Variants in GRID1 observed in about 807,000 individuals in gnomAD.
The protein encoded by GRID1 is glutamate ionotropic receptor delta type subunit 1, also known as glutamate receptor ionotropic, delta-1.
A neutral mutation model predicts 98.0 loss-of-function variants in GRID1; 28 were observed. The ratio of observed to expected loss-of-function variants is 0.29; its 90% CI spans 0.21 to 0.39. GRID1 has a LOEUF of 0.39. Ranked by LOEUF, GRID1 falls within the 10% of genes least tolerant of loss-of-function variation. The pLI is 1.00. For missense variants in GRID1, 1,111 were observed against 1,340.5 expected (o/e 0.83, Z 2.67); for synonymous variants, 553 against 538.5 (o/e 1.03, Z -0.37).
intron 4 of GRID1, among the ~76,000 whole-genome samples, chr10:85,965,185 G>T (rs1311212318): frequency 1.3e-5 from 2 of 152,232 alleles, no homozygotes; most frequent in Admixed American, 6.5e-5. Flanking sequence ...TACACTGTTG[G>T]TGGGAGTGTA....
At chr10:86,313,313 A>G (rs534656856) in intron 2 of GRID1, among the ~76,000 whole-genome samples, 3 of 152,376 alleles carry the variant, frequency 2.0e-5, no homozygotes, top group South Asian at 4.1e-4. Context: ...TTCTCAGGTC[A>G]TCTTCACAAC....
intron 6 of GRID1, among the ~76,000 whole-genome samples, chr10:85,867,117 T>G (rs1843228517): frequency 6.6e-6 from 1 of 152,142 alleles, no homozygotes; most frequent in Non-Finnish European, 1.5e-5. Flanking sequence ...GAAAAGACTT[T>G]TTGCATCCAA....
At chr10:86,231,831 A>T (rs1846457858) in intron 2 of GRID1, among the ~76,000 whole-genome samples, 1 of 152,154 alleles carries the variant, frequency 6.6e-6, no homozygotes, top group Non-Finnish European at 1.5e-5. Context: ...CTTCACAGTA[A>T]CATGCATTTA....
Position 85,634,111 on chromosome 10 carries a change from C to T in GRID1, c.2193+13091G>A, listed in dbSNP as rs376775768. Among the ~76,000 whole-genome samples the T allele has an allele frequency of 7.7e-4, 115 of 149,988 alleles. 4 individuals carry two copies. The South Asian group carries it at 0.023, about 30-fold the overall frequency. On this transcript the variant is annotated intron_variant, in intron 13 of 15. Transcript: ENST00000327946. ...GCTTGAACCCAGGAGGCGGAGGTGG[C>T]GGTGAGCCAAGATTGCACATTGCAT...
At chr10:85,991,065 T>C (rs1421643386) in intron 4 of GRID1, among the ~76,000 whole-genome samples, 1 of 152,178 alleles carries the variant, frequency 6.6e-6, no homozygotes, top group African/African-American at 2.4e-5. Context: ...TCCCTGCTCC[T>C]TGGAGCCTCC....
intron 12 of GRID1, among the ~76,000 whole-genome samples, chr10:85,683,453 G>A (rs189179933): frequency 1.3e-5 from 2 of 152,170 alleles, no homozygotes; most frequent in Non-Finnish European, 2.9e-5. Flanking sequence ...CTTAGATTTG[G>A]CATGGGACAT....
intron 12 of GRID1, among the ~76,000 whole-genome samples, chr10:85,715,294 A>G (rs533518523): frequency 1.9e-3 from 295 of 152,294 alleles, no homozygotes; most frequent in Middle Eastern, 0.01. Context: ...CAGAAGAAAA[A>G]AAGCTTTTTG....
At chr10:86,349,151 C>T (rs1848429897) in intron 2 of GRID1, among the ~76,000 whole-genome samples, 1 of 152,346 alleles carries the variant, frequency 6.6e-6, no homozygotes, top group Non-Finnish European at 1.5e-5. Flanking sequence ...AGACCTGCAA[C>T]AGCTCCTCCC....
chr10:86,125,735 C>G (rs1295815413), intron 4 of GRID1, among the ~76,000 whole-genome samples: 2 of 152,154 alleles, frequency 1.3e-5, no homozygotes, highest in Non-Finnish European at 2.9e-5. Flanking sequence ...ACCAACCCTT[C>G]CGCCTCTTCC....
intron 8 of GRID1, among the ~76,000 whole-genome samples, chr10:85,774,668 C>T (rs1008541763): frequency 4.6e-5 from 7 of 151,978 alleles, no homozygotes; most frequent in African/African-American, 1.7e-4. Context: ...GGGCAAAGGA[C>T]ATGAACAGAC....
At position 85,602,490 on chromosome 10, in the gene GRID1, C is replaced by T. The variant is rs1285044048; in HGVS notation, c.2813G>A (p.Gly938Asp). Reference sequence around the variant, plus strand: ...CCCTGATGAGAGTGTCCGGCTGGTGCCATGGCTGCTCTGCTCTGGCAGAAA... The same window carrying T: ...CCCTGATGAGAGTGTCCGGCTGGTGTCATGGCTGCTCTGCTCTGGCAGAAA... ...STFLPEQSSH[G>D]TSRTLSSGPS... Residue 938 changes from glycine (G) to aspartate (D), a missense_variant, in exon 16 of 16, where the codon GGC (glycine) becomes GAC (aspartate). By Grantham distance (94) the Gly-to-Asp change is moderately conservative. Transcript: ENST00000327946. 1.4e-5 allele frequency: 22 copies of T among 1,613,998 alleles called. No individual in the cohort carries two copies. The highest frequency in any genetic ancestry group is 2.7e-5 in the African/African-American group (2 of 74,920).
chr10:85,697,130 T>C (rs1841403025), intron 12 of GRID1, among the ~76,000 whole-genome samples: 2 of 152,166 alleles, frequency 1.3e-5, no homozygotes, highest in African/African-American at 2.4e-5. Context: ...TAAATGTCAA[T>C]TATGTCAAGT....
At chr10:86,356,907 G>A (rs1395164818) in intron 2 of GRID1, among the ~76,000 whole-genome samples, 2 of 152,196 alleles carry the variant, frequency 1.3e-5, no homozygotes, top group East Asian at 1.9e-4. Context: ...CAGTGAAGAG[G>A]GAAGACAGCT....
At chr10:86,322,054 G>A (rs1051977211) in intron 2 of GRID1, among the ~76,000 whole-genome samples, 1 of 151,944 alleles carries the variant, frequency 6.6e-6, no homozygotes, top group African/African-American at 2.4e-5. Context: ...ACAGAGAGAG[G>A]GGAGAGGCTA....
intron 8 of GRID1, among the ~76,000 whole-genome samples, chr10:85,786,505 C>A (rs1842430627): frequency 6.6e-6 from 1 of 152,282 alleles, no homozygotes. Flanking sequence ...CAGCAGGGTG[C>A]CTCAGGAGGG....
intron 4 of GRID1, among the ~76,000 whole-genome samples, chr10:86,043,602 C>T (rs1843378234): frequency 6.6e-6 from 1 of 152,184 alleles, no homozygotes; most frequent in Non-Finnish European, 1.5e-5. Context: ...CCTACCTTGG[C>T]TCTGCATCCA....
At chr10:85,771,225 A>C (rs894727140) in intron 8 of GRID1, among the ~76,000 whole-genome samples, 14 of 152,168 alleles carry the variant, frequency 9.2e-5, no homozygotes, top group Admixed American at 3.9e-4. Flanking sequence ...CCAAACTAAG[A>C]TTCATAAGTG....
chr10:85,863,417 G>T (rs1404837036), intron 6 of GRID1, among the ~76,000 whole-genome samples: 1 of 152,156 alleles, frequency 6.6e-6, no homozygotes, highest in African/African-American at 2.4e-5. Flanking sequence ...TTTCGACATG[G>T]AAATTTTGGA....
intron 12 of GRID1, among the ~76,000 whole-genome samples, chr10:85,708,089 T>C (rs1230947510): frequency 6.7e-6 from 1 of 148,530 alleles, no homozygotes; most frequent in Admixed American, 6.8e-5. Flanking sequence ...GTTGTGCACG[T>C]GTACCCTAAA....
Sources: gnomAD v4.1 joint callset for allele counts (sites outside exome capture counted in the v4.1 genomes callset) on GRCh38, gnomAD v4.1.1 for gene constraint, MANE v1.5 for transcripts, NCBI Gene and HGNC (gene_info 2026-07-23, HGNC 2026-07-21) for gene names.